Variants in TBATA observed in about 807,000 individuals in gnomAD.
TBATA encodes thymus, brain and testes associated.
A neutral mutation model predicts 38.7 loss-of-function variants in TBATA; 47 were observed. That is an observed-to-expected ratio of 1.21 (90% CI 0.96 to 1.55). The LOEUF is 1.55. Among genes scored for constraint, TBATA ranks in the 40% most tolerant of loss-of-function variants. The pLI, the probability that TBATA is intolerant of heterozygous loss-of-function variation, is 0.00. For synonymous variants in TBATA, 183 were observed against 170.5 expected (o/e 1.07, Z -0.57); for missense variants, 436 against 435.6 (o/e 1.00, Z -0.01).
chr10:70,773,747 C>T (rs1235220257), intron 9 of TBATA, among the ~76,000 whole-genome samples: 1 of 152,224 alleles, frequency 6.6e-6, no homozygotes, highest in East Asian at 1.9e-4. Context: ...GCAAACTTAT[C>T]GCTGCTCAGT....
At chr10:70,776,082 G>A (rs896811158) in intron 7 of TBATA, among the ~76,000 whole-genome samples, 3 of 152,176 alleles carry the variant, frequency 2.0e-5, no homozygotes, top group Non-Finnish European at 4.4e-5. Flanking sequence ...AAAGGTGGAA[G>A]CCCTGGAGTC....
intron 4 of TBATA, 107 bp from the exon 5 acceptor site, chr10:70,779,849 C>T: frequency 8.7e-7 from 1 of 1,146,066 alleles, no homozygotes; most frequent in Non-Finnish European, 1.2e-6. Flanking sequence ...CCACCTCTTC[C>T]AGTAACCACC....
chr10:70,775,362 C>T, intron 7 of TBATA, 92 bp from the exon 8 acceptor site: 2 of 1,142,704 alleles, frequency 1.8e-6, no homozygotes, highest in Non-Finnish European at 2.6e-6. Flanking sequence ...AGACCCTTCC[C>T]CCAAAGTGGG....
intron 9 of TBATA, among the ~76,000 whole-genome samples, chr10:70,773,277 C>T (rs1842965915): frequency 6.6e-6 from 1 of 152,180 alleles, no homozygotes; most frequent in African/African-American, 2.4e-5. Context: ...CCCACCCATG[C>T]TCCAGACACC....
Position 70,779,664 on chromosome 10 carries a change from T to C in TBATA, c.356A>G (p.Gln119Arg), listed in dbSNP as rs2132929536. 6.5e-7 allele frequency: 1 copy of C among 1,534,086 alleles called. No homozygotes were observed. The highest frequency in any genetic ancestry group is 2.6e-5 in the East Asian group (1 of 38,562). The change falls in exon 5 of 11, where the codon CAA becomes CGA. Residue 119 changes from glutamine (Q) to arginine (R), a missense_variant. Physicochemically the swap from Gln to Arg is conservative, Grantham distance 43. Transcript: ENST00000456372. Reference protein sequence around the residue: ...LPESTVFSGCQMGIPTISVPI... With the variant: ...LPESTVFSGCRMGIPTISVPI... Reference sequence around the variant, plus strand: ...GACAGAGATGGTGGGTATCCCCATTTGACAGCCGGAAAAGACAGTTGACTC... The same window carrying C: ...GACAGAGATGGTGGGTATCCCCATTCGACAGCCGGAAAAGACAGTTGACTC...
rs199669673 is a variant in TBATA at position 70,781,927 on chromosome 10, G to A, written c.151C>T (p.Arg51Trp). Residue 51 changes from arginine to tryptophan, a missense_variant, in exon 4 of 11, where the codon CGG (arginine) becomes TGG (tryptophan). By Grantham distance (101) the Arg-to-Trp change is moderately radical (BLOSUM62 -3). Transcript: ENST00000456372. ...LVIPGIVDFERIRRALRTPKP... is the reference protein window; with the variant it reads ...LVIPGIVDFEWIRRALRTPKP... The stretch of plus-strand genomic sequence containing the variant: ...GGGGTCCTCAATGCCCGGCGGATCC[G>A]CTCGAAATCCACAATCCCTGGGATC... 3.4e-5 allele frequency: 55 copies of A among 1,614,072 alleles called. No homozygotes were observed. In the African/African-American group the frequency reaches 4.0e-4, roughly 12 times the overall value.
intron 9 of TBATA, 34 bp from the exon 10 acceptor site, chr10:70,772,600 T>A: frequency 6.2e-7 from 1 of 1,613,232 alleles, no homozygotes; most frequent in Non-Finnish European, 8.5e-7. Flanking sequence ...GCTGGGAAGG[T>A]CATGCTGGAA....
At chr10:70,777,924 G>A in intron 6 of TBATA, 1 of 377,312 alleles carries the variant, frequency 2.7e-6, no homozygotes, top group South Asian at 2.0e-5. Context: ...CCTGAGTGCT[G>A]CAGTGAGTTA....
intron 3 of TBATA, among the ~76,000 whole-genome samples, chr10:70,783,011 C>A (rs1277093725): frequency 2.0e-5 from 3 of 152,258 alleles, no homozygotes; most frequent in Non-Finnish European, 4.4e-5. Context: ...ATAAAGCAAA[C>A]CTTCTCTGAA....
intron 7 of TBATA, among the ~76,000 whole-genome samples, chr10:70,776,915 C>T (rs1001514757): frequency 6.6e-6 from 1 of 152,254 alleles, no homozygotes; most frequent in Admixed American, 6.5e-5. Context: ...GACAACAGTG[C>T]GTTCATGCTT....
intron 10 of TBATA, 165 bp downstream of exon 10, chr10:70,772,349 G>A (rs756828779): frequency 4.0e-5 from 30 of 758,618 alleles, no homozygotes; most frequent in Non-Finnish European, 6.6e-5. Flanking sequence ...GTGGGTGCTC[G>A]ATAAATATTT....
intron 4 of TBATA, among the ~76,000 whole-genome samples, chr10:70,780,339 G>A (rs1179929265): frequency 2.0e-5 from 3 of 152,062 alleles, no homozygotes; most frequent in Admixed American, 6.5e-5. Context: ...TTGAAGATCG[G>A]CCTGGCAAGG....
At chr10:70,784,938 A>G (rs893770055) in intron 1 of TBATA, among the ~76,000 whole-genome samples, 165 bp from the exon 2 acceptor site, 1 of 152,186 alleles carries the variant, frequency 6.6e-6, no homozygotes, top group African/African-American at 2.4e-5. Context: ...ACTACATATG[A>G]TGCACACTGA....
chr10:70,773,979 C>T (rs1589373391), intron 9 of TBATA, among the ~76,000 whole-genome samples: 1 of 152,380 alleles, frequency 6.6e-6, no homozygotes, highest in African/African-American at 2.4e-5. Flanking sequence ...ACTCCGGTGG[C>T]CCCCTTGGGG....
intron 8 of TBATA, 52 bp downstream of exon 8, chr10:70,775,137 G>T: frequency 6.5e-7 from 1 of 1,539,890 alleles, no homozygotes; most frequent in Non-Finnish European, 9.0e-7. Flanking sequence ...GAGATCAAGG[G>T]CAGGACCTTG....
Position 70,777,343 on chromosome 10 carries a change from G to T in TBATA, c.508-5C>A. On this transcript the variant is annotated splice_polypyrimidine_tract_variant and splice_region_variant and intron_variant, in intron 6 of 10. Transcript: ENST00000456372. ...CTCCTCCTTCTGCTCCTTCTGCTGGGACAAAAGTGGCCAGAGACTCCAGGC... is the reference window on the plus strand; with the variant it reads ...CTCCTCCTTCTGCTCCTTCTGCTGGTACAAAAGTGGCCAGAGACTCCAGGC... 6 of 1,611,052 alleles carry T rather than the reference G, an allele frequency of 3.7e-6. No homozygotes were observed. Among genetic ancestry groups the T allele is most frequent in the Non-Finnish European group, 5.1e-6 (6 of 1,178,454 alleles).
At chr10:70,771,769 C>T (rs1428307785) in intron 10 of TBATA, among the ~76,000 whole-genome samples, 1 of 152,086 alleles carries the variant, frequency 6.6e-6, no homozygotes, top group African/African-American at 2.4e-5. Context: ...GATGTGTTTC[C>T]TTTTCTCTCC....
At chr10:70,782,434 T>C in intron 3 of TBATA, 1 of 1,295,944 alleles carries the variant, frequency 7.7e-7, no homozygotes. Flanking sequence ...CAGGGGCCTC[T>C]CCCCAAGCCA....
Position 70,777,318 on chromosome 10 carries a change from C to A in TBATA, c.528G>T (p.Glu176Asp), listed in dbSNP as rs1219288205. ...KKKEQKEQKE[E>D]PLREQGAKYS... ...ACTTTGCCCCCTGCTCCCGCAGAGG[C>A]TCCTCCTTCTGCTCCTTCTGCTGGG... The change falls in exon 7 of 11, where the codon GAG (glutamate) becomes GAT (aspartate). Residue 176 changes from glutamate (E) to aspartate (D), a missense_variant. Transcript: ENST00000456372. 1 of 1,613,432 alleles carries A rather than the reference C, an allele frequency of 6.2e-7. No homozygotes were observed.
Sources: gnomAD v4.1 joint callset for allele counts (sites outside exome capture counted in the v4.1 genomes callset) on GRCh38, gnomAD v4.1.1 for gene constraint, MANE v1.5 for transcripts, NCBI Gene and HGNC (gene_info 2026-07-23, HGNC 2026-07-21) for gene names.